MGLL: variants seen among roughly 807,000 people sequenced by gnomAD.
MGLL encodes lysophospholipase homolog.
In MGLL, 7 loss-of-function variants were observed where a neutral mutation model predicts 29.1. That is an observed-to-expected ratio of 0.24 (90% confidence interval 0.14 to 0.45). The LOEUF (loss-of-function observed/expected upper bound fraction) is 0.45, where lower values mean the gene tolerates loss of function less well. Ranked by LOEUF, MGLL falls within the 20% of genes least tolerant of loss-of-function variation. The pLI is 0.99. For missense variants in MGLL, 356 were observed against 413.6 expected, an observed-to-expected ratio of 0.86 and a Z score of 1.21; for synonymous variants, 148 against 168.3, an observed-to-expected ratio of 0.88 and a Z score of 0.93.
At chr3:127,711,520 T>C (rs1459747870) in intron 5 of MGLL, 1 of 152,288 alleles carries the variant, frequency 6.6e-6, no homozygotes, top group Non-Finnish European at 1.5e-5. Context: ...ATTTCTGCAA[T>C]GTGCACAGAC....
Position 127,692,211 on chromosome 3 carries a change from G to C in MGLL, c.929C>G (p.Ala310Gly). 1.2e-6 allele frequency: 2 copies of C among 1,610,556 alleles called. No homozygotes were observed. Among genetic ancestry groups the C allele is most frequent in the Non-Finnish European group, 1.7e-6 (2 of 1,178,750 alleles). The change falls in exon 8 of 8, where the codon GCG (alanine) becomes GGG (glycine). Residue 310 changes from alanine (A) to glycine (G), a missense_variant. Ala to Gly is a moderately conservative substitution (Grantham distance 60). Transcript: ENST00000265052. ...VSQRTATAGT[A>G]SPP Reference sequence around the variant, plus strand: ...CGGCCAATGCATTCAGGGTGGGGACGCAGTTCCTGCCGTGGCTGTCCTTTG... The same window carrying C: ...CGGCCAATGCATTCAGGGTGGGGACCCAGTTCCTGCCGTGGCTGTCCTTTG...
intron 3 of MGLL, among the ~76,000 whole-genome samples, chr3:127,758,129 G>A (rs1301146466): frequency 2.0e-5 from 3 of 151,992 alleles, no homozygotes; most frequent in African/African-American, 7.3e-5. Flanking sequence ...CTTTGCACTG[G>A]CCACCCCCTT....
At chr3:127,771,507 C>A (rs1415114838) in intron 3 of MGLL, among the ~76,000 whole-genome samples, 1 of 152,104 alleles carries the variant, frequency 6.6e-6, no homozygotes, top group Non-Finnish European at 1.5e-5. Context: ...TAGGCATGCA[C>A]CTTTAAGCAC....
chr3:127,694,303 A>G (rs866181594), intron 7 of MGLL, among the ~76,000 whole-genome samples: 22 of 129,392 alleles, frequency 1.7e-4, no homozygotes, highest in Admixed American at 1.1e-3. Flanking sequence ...ATATATATAT[A>G]TATATGTATG....
intron 3 of MGLL, among the ~76,000 whole-genome samples, chr3:127,752,737 A>AACTG (rs1171623221): frequency 6.6e-6 from 1 of 152,124 alleles, no homozygotes; most frequent in Non-Finnish European, 1.5e-5. Context: ...ACAGACCAAT[A>AACTG]ACTGACCCTT....
chr3:127,703,288 C>A (rs972986874), intron 6 of MGLL, among the ~76,000 whole-genome samples: 2 of 152,164 alleles, frequency 1.3e-5, no homozygotes, highest in Non-Finnish European at 2.9e-5. Context: ...CTCACAGGCT[C>A]AGGGATTTGA....
intron 2 of MGLL, among the ~76,000 whole-genome samples, chr3:127,798,866 C>G (rs1025130226): frequency 1.3e-5 from 2 of 152,138 alleles, no homozygotes; most frequent in Non-Finnish European, 2.9e-5. Context: ...GGGCCCTGGT[C>G]AGGGTGTCCA....
At chr3:127,697,446 C>T (rs1158416163) in intron 6 of MGLL, among the ~76,000 whole-genome samples, 1 of 152,170 alleles carries the variant, frequency 6.6e-6, no homozygotes, top group Non-Finnish European at 1.5e-5. Flanking sequence ...AGGAATTGCT[C>T]TCATTCTCTC....
At chr3:127,755,086 G>A (rs2076636384) in intron 3 of MGLL, among the ~76,000 whole-genome samples, 1 of 152,188 alleles carries the variant, frequency 6.6e-6, no homozygotes, top group Non-Finnish European at 1.5e-5. Context: ...AAAGGTCCTT[G>A]CCATTGCGGG....
intron 3 of MGLL, among the ~76,000 whole-genome samples, chr3:127,763,257 C>A (rs2076797644): frequency 1.3e-5 from 2 of 152,206 alleles, no homozygotes; most frequent in Admixed American, 6.5e-5. Flanking sequence ...CCGGAGGGTA[C>A]ATCATCTCCA....
intron 3 of MGLL, among the ~76,000 whole-genome samples, chr3:127,746,578 T>C (rs952213343): frequency 2.6e-5 from 4 of 152,160 alleles, no homozygotes; most frequent in Non-Finnish European, 5.9e-5. Context: ...TTCCCACCTG[T>C]CTGGAACCAG....
chr3:127,809,090 G>A (rs2077615685), intron 2 of MGLL, among the ~76,000 whole-genome samples: 1 of 151,798 alleles, frequency 6.6e-6, no homozygotes, highest in Non-Finnish European at 1.5e-5. Flanking sequence ...GCCATCTCAT[G>A]ACTACAAGAT....
chr3:127,791,680 G>A lies in MGLL; in HGVS notation c.156-9785C>T, dbSNP rs566071271. Among the ~76,000 whole-genome samples, 14 of 152,282 alleles carry A rather than the reference G, an allele frequency of 9.2e-5. No individual in the cohort carries two copies. The East Asian group carries it at 9.6e-4, about 10-fold the overall frequency. ...TCTCAGTTTTAAACTCTTGAGGCCC[G>A]GAGTTCCTTCCTTGCCTTTTATGGA... On this transcript the variant is annotated intron_variant, in intron 2 of 7. Transcript: ENST00000265052.
intron 3 of MGLL, among the ~76,000 whole-genome samples, chr3:127,763,245 C>G (rs2076797348): frequency 6.6e-6 from 1 of 152,190 alleles, no homozygotes. Flanking sequence ...GAAAGAAAGG[C>G]TCCGGAGGGT....
intron 3 of MGLL, among the ~76,000 whole-genome samples, chr3:127,738,805 G>T (rs2076288231): frequency 6.6e-6 from 1 of 152,182 alleles, no homozygotes; most frequent in Non-Finnish European, 1.5e-5. Flanking sequence ...ACTGTATAAA[G>T]AAGCGGTCCC....
chr3:127,720,968 CT>C, intron 5 of MGLL, 84 bp downstream of exon 5: 1 of 1,238,698 alleles, frequency 8.1e-7, no homozygotes, highest in Admixed American at 1.8e-5. Flanking sequence ...GGCCTTTGGT[CT>C]TTTTACATAG....
Position 127,721,043 on chromosome 3 carries a change from G to A in MGLL, c.510+10C>T, listed in dbSNP as rs770671444. ...CTGTAGGAATTGTACAGACTGGAAG[G>A]TCCTTTTACCTTGAAAGTTGTTGCA... On this transcript the variant is annotated intron_variant, in intron 5 of 7. Transcript: ENST00000265052. 1.1e-5 allele frequency: 18 copies of A among 1,609,342 alleles called. No individual in the cohort carries two copies. In the East Asian group the frequency reaches 1.3e-4, roughly 12 times the overall value.
intron 3 of MGLL, among the ~76,000 whole-genome samples, chr3:127,767,638 TAA>T (rs1416122413): frequency 6.6e-6 from 1 of 152,210 alleles, no homozygotes; most frequent in Non-Finnish European, 1.5e-5. Flanking sequence ...CTCTGTTCCA[TAA>T]GAGTGTAAAA....
chr3:127,801,637 C>A (rs953695268), intron 2 of MGLL, among the ~76,000 whole-genome samples: 76 of 151,538 alleles, frequency 5.0e-4, no homozygotes, highest in Admixed American at 1.8e-3. Context: ...TACAATAAAA[C>A]AAAATTAAAA....
Sources: allele counts gnomAD v4.1 joint callset (sites outside exome capture counted in the v4.1 genomes callset), GRCh38; gene constraint gnomAD v4.1.1; transcripts MANE v1.5; gene names NCBI Gene and HGNC (gene_info 2026-07-23, HGNC 2026-07-21).